Variants in GLIS1 observed in about 807,000 individuals in gnomAD.
GLIS1 encodes the protein zinc finger protein GLIS1.
Under a neutral mutation model 63.8 loss-of-function variants are expected in GLIS1, and 24 were observed. The ratio of observed to expected loss-of-function variants is 0.38; its 90% CI spans 0.27 to 0.53. GLIS1 has a LOEUF of 0.53. GLIS1 is among the 20% of genes least tolerant of loss of function. The probability of loss-of-function intolerance (pLI) is 0.85; values close to 1 mark genes in which losing one functional copy is unlikely to be tolerated. For synonymous variants in GLIS1, 450 were observed against 482.5 expected (o/e 0.93, Z 0.88); for missense variants, 1,036 against 1,074.1 (o/e 0.96, Z 0.50).
At chr1:53,569,303 G>A (rs1406302036) in intron 4 of GLIS1, among the ~76,000 whole-genome samples, 1 of 152,164 alleles carries the variant, frequency 6.6e-6, no homozygotes, top group Admixed American at 6.5e-5. Flanking sequence ...TGGACTTTGG[G>A]TGATAATGAT....
At position 53,506,701 on chromosome 1, in the gene GLIS1, C is replaced by G. The variant is rs775365557; in HGVS notation, c.2306G>C (p.Gly769Ala). 6 of 1,613,412 alleles carry G rather than the reference C, an allele frequency of 3.7e-6. No homozygotes were observed. The Middle Eastern group carries it at 8.2e-4, about 222-fold the overall frequency. The change falls in exon 11 of 11, where the codon GGC becomes GCC. Residue 769 changes from glycine (G) to alanine (A), a missense_variant. By Grantham distance (60) the Gly-to-Ala change is moderately conservative. This residue lies in a region of GLIS1 where 400 missense variants were observed against 400.9 expected (regional missense o/e 1.00). Coordinates refer to ENST00000628545, the MANE Select transcript of GLIS1 (RefSeq NM_001367484.1). Reference protein sequence around the residue: ...QQPSEDVVSSGPEDCGFFPNG... With the variant: ...QQPSEDVVSSAPEDCGFFPNG... ...GGGGAAGAAGCCACAGTCCTCGGGG[C>G]CGCTGGACACCACATCTTCAGATGG... is the stretch of plus-strand genomic sequence containing the variant.
Position 53,514,796 on chromosome 1 carries a change from A to G in GLIS1, c.1727-15T>C. 1 of 1,567,552 alleles carries G rather than the reference A, an allele frequency of 6.4e-7. No individual in the cohort carries two copies. The highest frequency in any genetic ancestry group is 8.6e-7 in the Non-Finnish European group (1 of 1,156,722). On this transcript the variant is annotated splice_polypyrimidine_tract_variant and intron_variant, in intron 7 of 10. Coordinates refer to ENST00000628545, the MANE Select transcript of GLIS1 (RefSeq NM_001367484.1). ...AGGATACACACCTGCAGGGAATCAA[A>G]CAAGGCTCACTGGACTCTGGCCACT...
intron 2 of GLIS1, among the ~76,000 whole-genome samples, chr1:53,663,170 C>A (rs1207779655): frequency 6.6e-6 from 1 of 152,252 alleles, no homozygotes. Flanking sequence ...CCATCTCAGC[C>A]TGTGTGGCCC....
chr1:53,677,516 G>C lies in GLIS1; in HGVS notation c.259+60290C>G, dbSNP rs147688872. Among the ~76,000 whole-genome samples the C allele has an allele frequency of 4.1e-3, 630 of 152,362 alleles. 6 individuals carry two copies. Among genetic ancestry groups the C allele is most frequent in the African/African-American group, 0.014 (587 of 41,586 alleles). The stretch of plus-strand genomic sequence containing the variant: ...TCCACGGCCTGGCCATTGAACGCCA[G>C]ACAGACAGCCAGAGGAAAAACAACC... On this transcript the variant is annotated intron_variant, in intron 2 of 10. Transcript: ENST00000628545.
At chr1:53,602,320 TTTA>T (rs1248637274) in intron 2 of GLIS1, among the ~76,000 whole-genome samples, 1 of 152,120 alleles carries the variant, frequency 6.6e-6, no homozygotes, top group Admixed American at 6.5e-5. Flanking sequence ...TGCATGCAAT[TTTA>T]TTGTCCCATT....
intron 4 of GLIS1, among the ~76,000 whole-genome samples, chr1:53,593,314 C>T (rs1249902277): frequency 2.0e-5 from 3 of 152,248 alleles, no homozygotes; most frequent in African/African-American, 4.8e-5. Context: ...CTGAGTGTAT[C>T]AGGGAGTGCT....
At chr1:53,527,997 G>C (rs1253241158) in intron 5 of GLIS1, among the ~76,000 whole-genome samples, 1 of 152,212 alleles carries the variant, frequency 6.6e-6, no homozygotes, top group Non-Finnish European at 1.5e-5. Context: ...GGAGGGTCAG[G>C]GAAGGTGGCC....
chr1:53,528,655 C>T lies in GLIS1; in HGVS notation c.1482+1136G>A, dbSNP rs373541872. 3.3e-5 allele frequency among the ~76,000 whole-genome samples: 5 copies of T among 152,244 alleles called. No homozygotes were observed. In the South Asian group the frequency reaches 1.0e-3, roughly 32 times the overall value. ...TCCCGGCTCTAAGGTAAATGGCTGG[C>T]ATCAGAGACCTGCAAGTGCCCTTTC... On this transcript the variant is annotated intron_variant, in intron 5 of 10. Coordinates refer to ENST00000628545, the MANE Select transcript of GLIS1 (RefSeq NM_001367484.1).
In GLIS1 at chr1:53,506,508, G is replaced by A. The variant is rs1644232945; in HGVS notation, c.*111C>T. 2 of 1,192,502 alleles carry A rather than the reference G, an allele frequency of 1.7e-6. No homozygotes were observed. The highest frequency in any genetic ancestry group is 2.0e-5 in the Admixed American group (1 of 50,916). The allele number at this position is 1,192,502 out of a possible 1,614,324, so 73.9% of individuals were successfully genotyped here. On this transcript the variant is annotated 3_prime_UTR_variant, in exon 11 of 11. Coordinates refer to ENST00000628545, the MANE Select transcript of GLIS1 (RefSeq NM_001367484.1). ...GGCTCCCCTGGGTCATGGCCTGGCT[G>A]TTCCGGCTGTGGCCTGGCACTCCTG...
At chr1:53,537,062 A>G (rs1156741299) in intron 4 of GLIS1, among the ~76,000 whole-genome samples, 1 of 152,208 alleles carries the variant, frequency 6.6e-6, no homozygotes, top group Non-Finnish European at 1.5e-5. Context: ...ACTGCAATCC[A>G]TTACTGCTGC....
intron 2 of GLIS1, among the ~76,000 whole-genome samples, chr1:53,618,907 G>A (rs905362767): frequency 6.6e-6 from 1 of 152,194 alleles, no homozygotes. Flanking sequence ...TCCTACCCTG[G>A]CTCTTAACTC....
chr1:53,595,634 C>A (rs977401666), intron 3 of GLIS1, among the ~76,000 whole-genome samples: 1 of 152,170 alleles, frequency 6.6e-6, no homozygotes, highest in East Asian at 1.9e-4. Context: ...AGTGAGTTCT[C>A]CAGGAAGAAG....
rs1312024135 is a variant in GLIS1, at chr1:53,560,652, C to A, written c.1321-30700G>T. Among the ~76,000 whole-genome samples the A allele has an allele frequency of 6.6e-6, 1 of 152,184 alleles. No individual in the cohort carries two copies. The highest frequency in any genetic ancestry group is 1.5e-5 in the Non-Finnish European group (1 of 68,022). ...ATCACTGGCTTTGCACTGCCTTTGGCAAACACTTGTTGCGGGCCGTGTGTC... is the reference window on the plus strand; with the variant it reads ...ATCACTGGCTTTGCACTGCCTTTGGAAAACACTTGTTGCGGGCCGTGTGTC... On this transcript the variant is annotated intron_variant, in intron 4 of 10. Transcript: ENST00000628545. The surrounding 1 kb of genome is among the most constrained non-coding windows in gnomAD (Gnocchi z 4.4).
At chr1:53,540,240 T>G (rs7554233) in intron 4 of GLIS1, among the ~76,000 whole-genome samples, 56,536 of 152,012 alleles carry the variant, frequency 0.37, 10,676 homozygotes, top group Admixed American at 0.4. Context: ...AGGAGCATGT[T>G]CCCATTTGCT....
chr1:53,703,165 T>C (rs1293536560), intron 2 of GLIS1, among the ~76,000 whole-genome samples: 4 of 152,250 alleles, frequency 2.6e-5, no homozygotes, highest in South Asian at 2.1e-4. Flanking sequence ...TTGGTCTGTG[T>C]TTGGCACTGT....
chr1:53,563,063 C>G (rs1644907005), intron 4 of GLIS1, among the ~76,000 whole-genome samples: 1 of 152,226 alleles, frequency 6.6e-6, no homozygotes, highest in Non-Finnish European at 1.5e-5. Context: ...TAAGGACAAT[C>G]TCAGAGGACG....
intron 4 of GLIS1, among the ~76,000 whole-genome samples, chr1:53,567,320 A>G (rs1557454449): frequency 6.6e-6 from 1 of 152,346 alleles, no homozygotes; most frequent in East Asian, 1.9e-4. Context: ...TAAGCAGCAA[A>G]GCTTTCAAGA....
At chr1:53,680,673 C>T (rs574029171) in intron 2 of GLIS1, among the ~76,000 whole-genome samples, 122 of 152,286 alleles carry the variant, frequency 8.0e-4, no homozygotes, top group African/African-American at 2.9e-3. Flanking sequence ...GAAAACAAAT[C>T]CTATTTGGGG....
intron 2 of GLIS1, among the ~76,000 whole-genome samples, chr1:53,730,003 G>C (rs1646843875): frequency 6.6e-6 from 1 of 152,166 alleles, no homozygotes; most frequent in African/African-American, 2.4e-5. Flanking sequence ...TTGGGGAGTG[G>C]AAGTGATTGA....
Sources: gnomAD v4.1 joint callset for allele counts (sites outside exome capture counted in the v4.1 genomes callset) on GRCh38, gnomAD v4.1.1 for gene constraint, gnomAD v4.1.1 regional missense constraint, Gnocchi (gnomAD v3.1) non-coding constraint, MANE v1.5 for transcripts, NCBI Gene and HGNC (gene_info 2026-07-23, HGNC 2026-07-21) for gene names.